Variants in MTMR2 observed in about 807,000 individuals in gnomAD.
MTMR2 encodes myotubularin related protein 2.
Under a neutral mutation model 86.9 loss-of-function variants are expected in MTMR2, and 55 were observed. The observed-to-expected ratio is 0.63, with a 90% CI of 0.51 to 0.79. The LOEUF (loss-of-function observed/expected upper bound fraction) is 0.79. Among genes scored for constraint, MTMR2 ranks in the 30% least tolerant of loss-of-function variants. The pLI, the probability that MTMR2 is intolerant of heterozygous loss-of-function variation, is 0.00. For synonymous variants in MTMR2, 241 were observed against 266.8 expected, an observed-to-expected ratio of 0.90 and a Z score of 0.94; for missense variants, 659 against 772.3, an observed-to-expected ratio of 0.85 and a Z score of 1.74.
At chr11:95,902,903 T>C (rs2135584555) in intron 1 of MTMR2, among the ~76,000 whole-genome samples, 1 of 152,318 alleles carries the variant, frequency 6.6e-6, no homozygotes, top group East Asian at 1.9e-4. Context: ...GACTACAGCA[T>C]GTACCACCCT....
chr11:95,871,250 C>A (rs1144673), intron 2 of MTMR2, among the ~76,000 whole-genome samples: 42,616 of 152,026 alleles, frequency 0.28, 6,923 homozygotes, highest in Non-Finnish European at 0.35. Flanking sequence ...TGGGTATATA[C>A]CCAGTAATGG....
chr11:95,916,752 T>C (rs1866727185), intron 1 of MTMR2, among the ~76,000 whole-genome samples: 1 of 152,190 alleles, frequency 6.6e-6, no homozygotes, highest in South Asian at 2.1e-4. Context: ...CAGCATTTGC[T>C]CTTATTTACT....
At chr11:95,842,174 C>T (rs376069218) in intron 11 of MTMR2, among the ~76,000 whole-genome samples, 5 of 152,248 alleles carry the variant, frequency 3.3e-5, no homozygotes, top group African/African-American at 1.2e-4. Context: ...CAAGCAGAAA[C>T]ATTTTGATGT....
intron 2 of MTMR2, among the ~76,000 whole-genome samples, chr11:95,875,756 G>A (rs544620239): frequency 8.5e-4 from 129 of 152,252 alleles, no homozygotes; most frequent in African/African-American, 3.0e-3. Flanking sequence ...CTTTGATGAT[G>A]GTGACATACA....
In MTMR2 at chr11:95,923,856, C is replaced by T; in HGVS notation, c.80+19G>A. 1 of 1,537,956 alleles carries T rather than the reference C, an allele frequency of 6.5e-7. No individual in the cohort carries two copies. The highest frequency in any genetic ancestry group is 8.8e-7 in the Non-Finnish European group (1 of 1,138,302). ...CATCCCCTTCGGACGCTGGGCGGGG[C>T]CCTGGGCGTCCTGGTTACCTGGACA... On this transcript the variant is annotated intron_variant, in intron 1 of 14. Transcript: ENST00000346299.
intron 12 of MTMR2, among the ~76,000 whole-genome samples, chr11:95,840,605 T>C (rs1863505165): frequency 6.6e-6 from 1 of 152,118 alleles, no homozygotes; most frequent in Admixed American, 6.6e-5. Flanking sequence ...ATCATAGTCA[T>C]AGCTACAAAA....
chr11:95,865,810 A>G (rs1864594312), intron 2 of MTMR2, 134 bp from the exon 3 acceptor site: 2 of 749,776 alleles, frequency 2.7e-6, no homozygotes, highest in Non-Finnish European at 4.6e-6. Context: ...CAAATTTGTT[A>G]AACTGTAGTG....
chr11:95,883,117 C>A (rs1453050288), intron 2 of MTMR2, among the ~76,000 whole-genome samples: 1 of 151,844 alleles, frequency 6.6e-6, no homozygotes, highest in Non-Finnish European at 1.5e-5. Flanking sequence ...ACAGGCTTCA[C>A]AAAGGAAAGG....
At chr11:95,877,038 TAC>T (rs1454152368) in intron 2 of MTMR2, among the ~76,000 whole-genome samples, 1 of 152,244 alleles carries the variant, frequency 6.6e-6, no homozygotes, top group Non-Finnish European at 1.5e-5. Context: ...AATGAGTCTA[TAC>T]AGTTATAAAC....
chr11:95,868,519 T>A (rs1864724019), intron 2 of MTMR2, among the ~76,000 whole-genome samples: 1 of 151,620 alleles, frequency 6.6e-6, no homozygotes, highest in African/African-American at 2.4e-5. Context: ...GCTGTAAGAA[T>A]TTGAAGGAAA....
intron 5 of MTMR2, among the ~76,000 whole-genome samples, chr11:95,861,402 G>GTTATTATTATTA (rs149187983): frequency 0.01 from 1,430 of 140,948 alleles, 15 homozygotes; most frequent in African/African-American, 0.014. Context: ...ATTAAAGATG[G>GTTATTATTATTA]TTATTATTAT....
intron 1 of MTMR2, among the ~76,000 whole-genome samples, chr11:95,906,869 G>A (rs180924105): frequency 7.6e-4 from 116 of 152,168 alleles, no homozygotes; most frequent in African/African-American, 2.4e-3. Context: ...ATGAGACATC[G>A]CTAAAGCAGT....
In MTMR2 at chr11:95,924,044, G is replaced by A. The variant is rs369560514; in HGVS notation, c.-90C>T. 2.3e-5 allele frequency: 35 copies of A among 1,502,576 alleles called. 1 individual carries two copies. In the East Asian group the frequency reaches 2.7e-4, roughly 12 times the overall value. 93.1% of individuals were successfully genotyped at this position (1,502,576 alleles called of 1,614,324 possible). A position where few individuals can be genotyped will look rare whatever the true frequency, so the allele number is the denominator to read the frequency against. ...GGAGGGCGGAGTGCTACGGACCGGG[G>A]CCGCAGTCAGGCCAGCGCCGGCCCG... On this transcript the variant is annotated 5_prime_UTR_variant, in exon 1 of 15. Transcript: ENST00000346299.
chr11:95,923,261 C>A (rs1866999453), intron 1 of MTMR2, among the ~76,000 whole-genome samples: 2 of 152,156 alleles, frequency 1.3e-5, no homozygotes, highest in Admixed American at 1.3e-4. Context: ...GGGATAAAAA[C>A]CACTCAGATT....
chr11:95,861,053 G>A (rs1320043846), intron 5 of MTMR2, among the ~76,000 whole-genome samples: 5 of 151,368 alleles, frequency 3.3e-5, no homozygotes, highest in African/African-American at 7.3e-5. Context: ...CCAGCTACTC[G>A]AGAGGCTGAG....
At chr11:95,858,476 T>A in intron 6 of MTMR2, 55 bp downstream of exon 6, 1 of 1,196,262 alleles carries the variant, frequency 8.4e-7, no homozygotes, top group Admixed American at 1.7e-5. Context: ...ACAAGTTTCT[T>A]TATACGACAT....
intron 1 of MTMR2, among the ~76,000 whole-genome samples, chr11:95,917,592 C>T (rs1016613679): frequency 6.6e-6 from 1 of 152,148 alleles, no homozygotes; most frequent in African/African-American, 2.4e-5. Flanking sequence ...TAATAGACTA[C>T]TGTTGACTGG....
chr11:95,835,028 T>C lies in MTMR2; in HGVS notation c.*262A>G, dbSNP rs1863196611. On this transcript the variant is annotated 3_prime_UTR_variant, in exon 15 of 15. Transcript: ENST00000346299. ...CCTTTTAATAGAAACTTGTTCCCAC[T>C]GTGAATCCAGGATTGAAGTATTTTA... 2.3e-6 allele frequency: 1 copy of C among 441,244 alleles called. No individual in the cohort carries two copies. The highest frequency in any genetic ancestry group is 3.5e-5 in the Admixed American group (1 of 28,896). The allele number at this position is 441,244 out of a possible 1,614,324, so 27.3% of individuals were successfully genotyped here. A position where few individuals can be genotyped will look rare whatever the true frequency, so the allele number is the denominator to read the frequency against.
chr11:95,868,772 T>C (rs2135493148), intron 2 of MTMR2, among the ~76,000 whole-genome samples: 2 of 152,102 alleles, frequency 1.3e-5, no homozygotes, highest in Middle Eastern at 3.4e-3. Flanking sequence ...AAAATTACCT[T>C]TGAAGAAAGC....
Sources: gnomAD v4.1 joint callset for allele counts (sites outside exome capture counted in the v4.1 genomes callset) on GRCh38, gnomAD v4.1.1 for gene constraint, MANE v1.5 for transcripts, NCBI Gene and HGNC (gene_info 2026-07-23, HGNC 2026-07-21) for gene names.